The following HNRNPLL variants were observed in gnomAD, a reference collection of about 807,000 sequenced individuals.
HNRNPLL encodes heterogeneous nuclear ribonucleoprotein L-like.
A neutral mutation model predicts 67.1 loss-of-function variants in HNRNPLL; 25 were observed. The ratio of observed to expected loss-of-function variants is 0.37; its 90% CI spans 0.27 to 0.52. The LOEUF is 0.52. Among genes scored for constraint, HNRNPLL ranks in the 20% least tolerant of loss-of-function variants. The pLI, the probability that HNRNPLL is intolerant of heterozygous loss-of-function variation, is 0.90. For synonymous variants in HNRNPLL, 267 were observed against 241.7 expected (o/e 1.10, Z -0.97); for missense variants, 542 against 673.9 (o/e 0.80, Z 2.17).
rs1665702517 is a variant in HNRNPLL at position 38,562,292 on chromosome 2, C to T, written c.*1890G>A. ...CTATCAGCAAGGCCCAACTTACCAA[C>T]TAGTTTACTCCCAAACAATTCACTT... On this transcript the variant is annotated 3_prime_UTR_variant, in exon 13 of 13. Coordinates refer to ENST00000449105, the MANE Select transcript of HNRNPLL (RefSeq NM_138394.4). 1 of 152,168 alleles carries T rather than the reference C, an allele frequency of 6.6e-6. No individual in the cohort carries two copies. Among genetic ancestry groups the T allele is most frequent in the Admixed American group, 6.5e-5 (1 of 15,276 alleles). 9.4% of individuals were successfully genotyped at this position (152,168 alleles called of 1,614,324 possible). A position where few individuals can be genotyped will look rare whatever the true frequency, so the allele number is the denominator to read the frequency against.
intron 12 of HNRNPLL, among the ~76,000 whole-genome samples, chr2:38,567,363 G>A (rs555931630): frequency 2.6e-5 from 4 of 152,068 alleles, no homozygotes; most frequent in South Asian, 2.1e-4. Flanking sequence ...CGATCCACCC[G>A]CCTCAGTCTC....
chr2:38,602,613 G>C lies in HNRNPLL; in HGVS notation c.14C>G (p.Ser5Cys), dbSNP rs935944336. The C allele has an allele frequency of 1.3e-6, 2 of 1,556,842 alleles. No homozygotes were observed. The highest frequency in any genetic ancestry group is 1.7e-6 in the Non-Finnish European group (2 of 1,155,640). MSSSSSSPRETYEED... is the reference protein window; with the variant it reads MSSSCSSPRETYEED... ...CTCGTACGTCTCCCTGGGGGAGGAA[G>C]AGGAGGAGGACATGGCGGCGGCCGG... Residue 5 changes from serine (S) to cysteine (C), a missense_variant, in exon 1 of 13, where the codon TCT becomes TGT. Physicochemically the swap from Ser to Cys is moderately radical, Grantham distance 112 (BLOSUM62 -1). Coordinates refer to ENST00000449105, the MANE Select transcript of HNRNPLL (RefSeq NM_138394.4).
At chr2:38,591,883 G>A (rs1304190553) in intron 1 of HNRNPLL, among the ~76,000 whole-genome samples, 4 of 152,098 alleles carry the variant, frequency 2.6e-5, no homozygotes, top group African/African-American at 7.2e-5. Flanking sequence ...GGCTGAGGCA[G>A]AAGAACGGCT....
At chr2:38,571,015 A>G (rs1263206968) in intron 8 of HNRNPLL, among the ~76,000 whole-genome samples, 1 of 152,160 alleles carries the variant, frequency 6.6e-6, no homozygotes, top group Non-Finnish European at 1.5e-5. Context: ...ACTGTATTCC[A>G]GCCTCGGCGA....
Position 38,562,907 on chromosome 2 carries a change from A to G in HNRNPLL, c.*1275T>C, listed in dbSNP as rs1393506275. The stretch of plus-strand genomic sequence containing the variant: ...AAAATTTAAAATAAAGTCTTTACAA[A>G]AGATCTAAATGGAACTTTCATTTAC... On this transcript the variant is annotated 3_prime_UTR_variant, in exon 13 of 13. Coordinates refer to ENST00000449105, the MANE Select transcript of HNRNPLL (RefSeq NM_138394.4). 6.6e-6 allele frequency: 1 copy of G among 152,142 alleles called. No homozygotes were observed. The highest frequency in any genetic ancestry group is 1.5e-5 in the Non-Finnish European group (1 of 67,954). The allele number at this position is 152,142 out of a possible 1,614,324, so 9.4% of individuals were successfully genotyped here.
chr2:38,591,963 G>C (rs1666975681), intron 1 of HNRNPLL, among the ~76,000 whole-genome samples: 1 of 151,988 alleles, frequency 6.6e-6, no homozygotes, highest in Non-Finnish European at 1.5e-5. Context: ...GCGACAGAGT[G>C]AGACTCCATC....
rs763140437 is a variant in HNRNPLL at position 38,602,581 on chromosome 2, G to T, written c.46C>A (p.Arg16=). The T allele has an allele frequency of 1.3e-6, 2 of 1,573,806 alleles. No individual in the cohort carries two copies. The change falls in exon 1 of 13, where the codon CGG becomes AGG. Residue 16 remains arginine, a synonymous_variant. Coordinates refer to ENST00000449105, the MANE Select transcript of HNRNPLL (RefSeq NM_138394.4). ...CGCTTGGCCTGGCTCTCGTACTCCC[G>T]GTCCTCCTCGTACGTCTCCCTGGGG... ...SSPRETYEED[R]EYESQAKRLK...
chr2:38,567,323 C>T (rs1380880721), intron 12 of HNRNPLL, among the ~76,000 whole-genome samples: 1 of 151,916 alleles, frequency 6.6e-6, no homozygotes, highest in Non-Finnish European at 1.5e-5. Flanking sequence ...GCCACATTGG[C>T]CAAGCTGGTC....
In HNRNPLL at chr2:38,562,230, C is replaced by T. The variant is rs1665701387; in HGVS notation, c.*1952G>A. ...AGTAAACTATCAAAAACATTAGTGA[C>T]AGCAGCAGTATAGGGCTTACACACC... is the stretch of plus-strand genomic sequence containing the variant. On this transcript the variant is annotated 3_prime_UTR_variant, in exon 13 of 13. Coordinates refer to ENST00000449105, the MANE Select transcript of HNRNPLL (RefSeq NM_138394.4). 6.6e-6 allele frequency: 1 copy of T among 152,130 alleles called. No homozygotes were observed. Among genetic ancestry groups the T allele is most frequent in the South Asian group, 2.1e-4 (1 of 4,824 alleles). 9.4% of individuals were successfully genotyped at this position (152,130 alleles called of 1,614,324 possible). A position where few individuals can be genotyped will look rare whatever the true frequency, so the allele number is the denominator to read the frequency against.
chr2:38,596,226 C>T (rs1002533528), intron 1 of HNRNPLL, among the ~76,000 whole-genome samples: 4 of 152,168 alleles, frequency 2.6e-5, no homozygotes, highest in African/African-American at 7.2e-5. Flanking sequence ...TTTACCTGTA[C>T]TATATACTGG....
intron 8 of HNRNPLL, among the ~76,000 whole-genome samples, chr2:38,572,691 C>G (rs1558531977): frequency 6.6e-6 from 1 of 152,050 alleles, no homozygotes; most frequent in Admixed American, 6.6e-5. Flanking sequence ...GTTTTGGACA[C>G]ATTTTATCAA....
chr2:38,585,796 C>A lies in HNRNPLL; in HGVS notation c.394G>T (p.Ala132Ser). 3 of 1,613,890 alleles carry A rather than the reference C, an allele frequency of 1.9e-6. No homozygotes were observed. The highest frequency in any genetic ancestry group is 2.5e-6 in the Non-Finnish European group (3 of 1,179,812). ...DSAKECVTFA[A>S]DEPVYIAGQQ... ...CCAGCAATGTACACGGGTTCATCTG[C>A]AGCAAATGTCACACATTCTTTGGCA... The change falls in exon 3 of 13, where the codon GCA becomes TCA. Residue 132 changes from alanine to serine, a missense_variant. By Grantham distance (99) the Ala-to-Ser change is moderately conservative. Coordinates refer to ENST00000449105, the MANE Select transcript of HNRNPLL (RefSeq NM_138394.4).
intron 7 of HNRNPLL, among the ~76,000 whole-genome samples, chr2:38,574,512 T>C (rs1264848342): frequency 1.3e-5 from 2 of 151,866 alleles, no homozygotes; most frequent in Admixed American, 6.6e-5. Context: ...TGAGTTGCAC[T>C]TGTATATAGG....
chr2:38,584,722 A>AT (rs1165336004), intron 3 of HNRNPLL, among the ~76,000 whole-genome samples: 1 of 152,188 alleles, frequency 6.6e-6, no homozygotes, highest in East Asian at 1.9e-4. Flanking sequence ...ATACAGTTAC[A>AT]TGTCACTAAA....
intron 2 of HNRNPLL, among the ~76,000 whole-genome samples, chr2:38,588,035 T>G (rs1305953057): frequency 6.6e-6 from 1 of 152,038 alleles, no homozygotes; most frequent in Non-Finnish European, 1.5e-5. Flanking sequence ...CCCTTCACCT[T>G]TTGCCATGAT....
In HNRNPLL at chr2:38,591,652, G is replaced by C; in HGVS notation, c.190-4C>G. The C allele has an allele frequency of 6.3e-7, 1 of 1,591,270 alleles. No homozygotes were observed. ...TATGATGACTTCCACCTGCCTCCTA[G>C]CAAGAGAAAATAATTTCTAGTTAAA... On this transcript the variant is annotated splice_region_variant and splice_polypyrimidine_tract_variant and intron_variant, in intron 1 of 12. Transcript: ENST00000449105.
At chr2:38,595,292 A>AAAAAAG (rs1558546745) in intron 1 of HNRNPLL, among the ~76,000 whole-genome samples, 3 of 147,330 alleles carry the variant, frequency 2.0e-5, no homozygotes, top group African/African-American at 7.6e-5. Context: ...AAAAAAAAAA[A>AAAAAAG]AAAAAGAAAA....
At chr2:38,577,553 T>A (rs777028997) in intron 6 of HNRNPLL, 21 bp from the exon 7 acceptor site, 1 of 1,549,386 alleles carries the variant, frequency 6.5e-7, no homozygotes, top group East Asian at 2.2e-5. Flanking sequence ...AGTAGAAACA[T>A]GGTTTTAACA....
rs1665705996 is a variant in HNRNPLL at position 38,562,443 on chromosome 2, AGTCTGT to A, written c.*1733_*1738del. 6.6e-6 allele frequency: 1 copy of A among 152,212 alleles called. No individual in the cohort carries two copies. The highest frequency in any genetic ancestry group is 1.5e-5 in the Non-Finnish European group (1 of 68,006). The allele number at this position is 152,212 out of a possible 1,614,324, so 9.4% of individuals were successfully genotyped here. On this transcript the variant is annotated 3_prime_UTR_variant, in exon 13 of 13. Coordinates refer to ENST00000449105, the MANE Select transcript of HNRNPLL (RefSeq NM_138394.4). Reference sequence around the variant, plus strand: ...TTTCTTAAAATCTTAGGCATTAAAAAGTCTGTAATTCTGACAACCCACATTAATTTT... The same window carrying A: ...TTTCTTAAAATCTTAGGCATTAAAAAAATTCTGACAACCCACATTAATTTT...
Sources: gnomAD v4.1 joint callset for allele counts (sites outside exome capture counted in the v4.1 genomes callset) on GRCh38, gnomAD v4.1.1 for gene constraint, MANE v1.5 for transcripts, NCBI Gene and HGNC (gene_info 2026-07-23, HGNC 2026-07-21) for gene names.